CRBN: variants seen among roughly 807,000 people sequenced by gnomAD.
CRBN encodes the protein cereblon, also known as protein cereblon.
In CRBN, 53 loss-of-function variants were observed where a neutral mutation model predicts 62.2. That is an observed-to-expected ratio of 0.85 (90% CI 0.68 to 1.07). CRBN has a LOEUF of 1.07. Among genes scored for constraint, CRBN ranks in the 50% least tolerant of loss-of-function variants. The pLI is 0.00. For synonymous variants in CRBN, 208 were observed against 176.1 expected (o/e 1.18, Z -1.43); for missense variants, 616 against 531.1 (o/e 1.16, Z -1.57).
At chr3:3,162,725 G>A (rs1241023550) in intron 5 of CRBN, among the ~76,000 whole-genome samples, 2 of 152,154 alleles carry the variant, frequency 1.3e-5, no homozygotes, top group East Asian at 3.9e-4. Flanking sequence ...GGAAAAGTGC[G>A]CGGCAACCTT....
intron 4 of CRBN, among the ~76,000 whole-genome samples, chr3:3,168,680 G>C (rs914728278): frequency 6.6e-6 from 1 of 152,068 alleles, no homozygotes; most frequent in African/African-American, 2.4e-5. Flanking sequence ...AATAACCACT[G>C]TTTGACCACA....
chr3:3,165,674 G>C (rs115243389), intron 5 of CRBN, among the ~76,000 whole-genome samples: 1,940 of 152,226 alleles, frequency 0.013, 32 homozygotes, highest in Middle Eastern at 0.027. Flanking sequence ...TTTATATGCA[G>C]TGGGAAACCA....
chr3:3,167,737 G>A lies in CRBN; in HGVS notation c.584C>T (p.Ser195Phe), dbSNP rs1448818496. 6.2e-6 allele frequency: 10 copies of A among 1,613,540 alleles called. No homozygotes were observed. In the East Asian group the frequency reaches 2.0e-4, roughly 32 times the overall value. ...ATTGAGGGATTCTAATTGAACTGCAGACATGGTTGAAGGCAACACACATTC... is the reference window on the plus strand; with the variant it reads ...ATTGAGGGATTCTAATTGAACTGCAAACATGGTTGAAGGCAACACACATTC... ...LPECVLPSTMSAVQLESLNKC... is the reference protein window; with the variant it reads ...LPECVLPSTMFAVQLESLNKC... Residue 195 changes from serine (S) to phenylalanine (F), a missense_variant, in exon 5 of 11, where the codon TCT becomes TTT. Coordinates refer to ENST00000231948, the MANE Select transcript of CRBN (RefSeq NM_016302.4).
intron 4 of CRBN, among the ~76,000 whole-genome samples, chr3:3,169,348 A>G (rs900975642): frequency 6.6e-6 from 1 of 152,128 alleles, no homozygotes; most frequent in Non-Finnish European, 1.5e-5. Flanking sequence ...TTGTTTTGTG[A>G]TTACAGCAAC....
chr3:3,163,800 C>T (rs7631493), intron 5 of CRBN, among the ~76,000 whole-genome samples: 1 of 152,160 alleles, frequency 6.6e-6, no homozygotes, highest in South Asian at 2.1e-4. Context: ...CTGTGATTCA[C>T]AGATACTGCC....
rs1385241550 is a variant in CRBN at position 3,163,177 on chromosome 3, A to C, written c.687+4457T>G. Reference sequence around the variant, plus strand: ...TCTTGGCCTAGTGATCTAGATTCCAAATTTCAGAACCTAAGAAACTCTATC... The same window carrying C: ...TCTTGGCCTAGTGATCTAGATTCCACATTTCAGAACCTAAGAAACTCTATC... On this transcript the variant is annotated intron_variant, in intron 5 of 10. Coordinates refer to ENST00000231948, the MANE Select transcript of CRBN (RefSeq NM_016302.4). 2.0e-5 allele frequency among the ~76,000 whole-genome samples: 3 copies of C among 152,336 alleles called. No individual in the cohort carries two copies. The East Asian group carries it at 5.8e-4, about 29-fold the overall frequency.
chr3:3,160,743 C>T (rs190697459), intron 5 of CRBN, among the ~76,000 whole-genome samples: 2 of 152,280 alleles, frequency 1.3e-5, no homozygotes, highest in Admixed American at 1.3e-4. Flanking sequence ...AGGGGCTTAC[C>T]AGCCCTATTT....
intron 5 of CRBN, among the ~76,000 whole-genome samples, chr3:3,165,989 A>C (rs1707312146): frequency 6.6e-6 from 1 of 152,208 alleles, no homozygotes; most frequent in Non-Finnish European, 1.5e-5. Flanking sequence ...TTCAACAGTA[A>C]CATTTAAAAT....
At chr3:3,175,411 G>A in intron 1 of CRBN, 142 bp from the exon 2 acceptor site, 1 of 667,692 alleles carries the variant, frequency 1.5e-6, no homozygotes, top group Non-Finnish European at 2.6e-6. Context: ...GGAGCCAGAG[G>A]ACTGGGGTCC....
chr3:3,171,985 A>G (rs971035789), intron 4 of CRBN, among the ~76,000 whole-genome samples: 16 of 152,184 alleles, frequency 1.1e-4, no homozygotes, highest in African/African-American at 3.6e-4. Flanking sequence ...CTCCGTTAAG[A>G]GGTAATATCC....
At chr3:3,152,294 A>G (rs1706618087) in intron 10 of CRBN, among the ~76,000 whole-genome samples, 162 bp downstream of exon 10, 1 of 152,048 alleles carries the variant, frequency 6.6e-6, no homozygotes, top group African/African-American at 2.4e-5. Context: ...CTGGGAGTAC[A>G]GACCCCTGCC....
intron 1 of CRBN, among the ~76,000 whole-genome samples, chr3:3,175,476 G>T (rs564850494): frequency 1.3e-5 from 2 of 151,760 alleles, no homozygotes; most frequent in East Asian, 3.9e-4. Flanking sequence ...GTGAATTTTA[G>T]AATAGTTTAA....
chr3:3,172,601 C>T (rs1420684878), intron 4 of CRBN, 175 bp downstream of exon 4: 6 of 645,720 alleles, frequency 9.3e-6, no homozygotes, highest in Non-Finnish European at 1.6e-5. Context: ...AAAAGCTTCC[C>T]AGGTGATTCT....
intron 5 of CRBN, among the ~76,000 whole-genome samples, chr3:3,166,809 T>C (rs1290302357): frequency 6.6e-6 from 1 of 151,988 alleles, no homozygotes; most frequent in Non-Finnish European, 1.5e-5. Context: ...CTTCATTAAT[T>C]ATCCATAATA....
Position 3,150,447 on chromosome 3 carries a change from T to C in CRBN, c.*418A>G, listed in dbSNP as rs1177248680. On this transcript the variant is annotated 3_prime_UTR_variant, in exon 11 of 11. Transcript: ENST00000231948. ...CCCTAGCTTTTGTTATTTAGAGCAC[T>C]GGTACAGATACGCTGTCCCATACAT... 1 of 172,702 alleles carries C rather than the reference T, an allele frequency of 5.8e-6. No individual in the cohort carries two copies. Among genetic ancestry groups the C allele is most frequent in the Non-Finnish European group, 1.2e-5 (1 of 80,306 alleles). The allele number at this position is 172,702 out of a possible 1,614,324, so 10.7% of individuals were successfully genotyped here. A position where few individuals can be genotyped will look rare whatever the true frequency, so the allele number is the denominator to read the frequency against.
intron 5 of CRBN, among the ~76,000 whole-genome samples, chr3:3,162,544 C>A (rs969913594): frequency 2.0e-5 from 3 of 152,146 alleles, no homozygotes; most frequent in African/African-American, 7.2e-5. Context: ...TCTAATGCTT[C>A]CTTGTCAGAA....
In CRBN at chr3:3,150,776, A is replaced by ACTTAGGTATGTATC. The variant is rs1706475089; in HGVS notation, c.*75_*88dup. ...TTACTTAGGTATTAATGTTATGTTT[A>ACTTAGGTATGTATC]CTTAGGTATGTATCAGAGGCAATAA... is the stretch of plus-strand genomic sequence containing the variant. On this transcript the variant is annotated 3_prime_UTR_variant, in exon 11 of 11. Transcript: ENST00000231948. 2.8e-4 allele frequency: 345 copies of ACTTAGGTATGTATC among 1,245,194 alleles called. 3 individuals carry two copies. The South Asian group carries it at 4.4e-3, about 16-fold the overall frequency. The allele number at this position is 1,245,194 out of a possible 1,614,324, so 77.1% of individuals were successfully genotyped here.
intron 1 of CRBN, among the ~76,000 whole-genome samples, chr3:3,177,994 AAC>A (rs755620802): frequency 4.8e-5 from 7 of 145,058 alleles, no homozygotes; most frequent in Non-Finnish European, 1.1e-4. Context: ...TTTTCTGAAA[AAC>A]AAAAAACAAA....
At chr3:3,156,702 C>CT (rs1706906667) in intron 5 of CRBN, 1 of 176,966 alleles carries the variant, frequency 5.7e-6, no homozygotes, top group Non-Finnish European at 1.2e-5. Flanking sequence ...AGCTGAATCA[C>CT]TATAAGGGCA....
Sources: gnomAD v4.1 joint callset for allele counts (sites outside exome capture counted in the v4.1 genomes callset) on GRCh38, gnomAD v4.1.1 for gene constraint, MANE v1.5 for transcripts, NCBI Gene and HGNC (gene_info 2026-07-23, HGNC 2026-07-21) for gene names.